Variants in USP35 observed in about 807,000 individuals in gnomAD.
USP35 encodes ubiquitin carboxyl-terminal hydrolase 35.
USP35 carries 69 observed loss-of-function variants against 83.8 expected under a neutral mutation model. That is an observed-to-expected ratio of 0.82 (90% CI 0.68 to 1.01). USP35 has a LOEUF of 1.01. Among genes scored for constraint, USP35 ranks in the 50% least tolerant of loss-of-function variants. The pLI, the probability that USP35 is intolerant of heterozygous loss-of-function variation, is 0.00. For missense variants in USP35, 1,503 were observed against 1,362.5 expected, an observed-to-expected ratio of 1.10 and a Z score of -1.62; for synonymous variants, 714 against 589.5, an observed-to-expected ratio of 1.21 and a Z score of -3.06.
At chr11:78,208,817 C>A (rs965514111) in intron 8 of USP35, 40 bp from the exon 9 acceptor site, 2 of 1,609,178 alleles carry the variant, frequency 1.2e-6, no homozygotes, top group Admixed American at 3.3e-5. Context: ...GGTGAGTGGC[C>A]TCCTGCTCCT....
intron 4 of USP35, 55 bp downstream of exon 4, chr11:78,199,779 A>AG: frequency 1.2e-6 from 2 of 1,612,574 alleles, no homozygotes; most frequent in Non-Finnish European, 1.7e-6. Context: ...GGCTCTTGCC[A>AG]GGGGCGGTGC....
chr11:78,222,855 TTACAGGCG>T, the USP35 span, among the ~76,000 whole-genome samples: 1 of 152,212 alleles, frequency 6.6e-6, no homozygotes. Context: ...AGTGTTGGGG[TTACAGGCG>T]TACAGGCGTG....
chr11:78,213,081 G>C lies in USP35; in HGVS notation c.2890-565G>C, dbSNP rs552952310. On this transcript the variant is annotated intron_variant, in intron 10 of 10. Coordinates refer to ENST00000529308, the MANE Select transcript of USP35 (RefSeq NM_020798.4). ...GCGGGGGAATACAGCAACTGGTGTG[G>C]GGACACCAGACCGGGTGTCACCAAC... 2.6e-5 allele frequency among the ~76,000 whole-genome samples: 4 copies of C among 152,308 alleles called. No individual in the cohort carries two copies. In the South Asian group the frequency reaches 8.3e-4, roughly 32 times the overall value.
chr11:78,214,950 T>C lies in USP35; in HGVS notation c.*1137T>C, dbSNP rs1771775159. Among the ~76,000 whole-genome samples, 1 of 152,144 alleles carries C rather than the reference T, an allele frequency of 6.6e-6. No individual in the cohort carries two copies. On this transcript the variant is annotated 3_prime_UTR_variant, in exon 11 of 11. Coordinates refer to ENST00000529308, the MANE Select transcript of USP35 (RefSeq NM_020798.4). ...AGAGGATGCACCTGGGAGGCAGCTC[T>C]CAAGCCTTTACCTACCTCCTTCCCC...
the USP35 span, among the ~76,000 whole-genome samples, chr11:78,231,646 C>T: frequency 5.3e-5 from 8 of 152,202 alleles, no homozygotes; most frequent in Admixed American, 2.6e-4. Context: ...CTGTGCCCGG[C>T]CTTCCCTTGG....
the USP35 span, chr11:78,226,925 A>G: frequency 4.3e-6 from 7 of 1,613,860 alleles, no homozygotes; most frequent in Non-Finnish European, 5.9e-6. Context: ...TGGGAAGGCT[A>G]TAGAAGCCAT....
At position 78,213,893 on chromosome 11, in the gene USP35, C is replaced by T. The variant is rs1590923944; in HGVS notation, c.*80C>T. The T allele has an allele frequency of 2.0e-6, 3 of 1,482,788 alleles. No individual in the cohort carries two copies. Among genetic ancestry groups the T allele is most frequent in the East Asian group, 2.7e-5 (1 of 37,518 alleles). 91.9% of individuals were successfully genotyped at this position (1,482,788 alleles called of 1,614,324 possible). ...GGGAAGCTGTGGAGGCAGGCCCTAC[C>T]AAGAGGAAGGATGGTACAGCTCATG... On this transcript the variant is annotated 3_prime_UTR_variant, in exon 11 of 11. Transcript: ENST00000529308.
At position 78,210,638 on chromosome 11, in the gene USP35, G is replaced by A; in HGVS notation, c.2783G>A (p.Arg928Lys). 1 of 1,614,158 alleles carries A rather than the reference G, an allele frequency of 6.2e-7. No homozygotes were observed. The highest frequency in any genetic ancestry group is 2.2e-5 in the East Asian group (1 of 44,888). ...AYVLFYRQRPREGPEAELGSS... is the reference protein window; with the variant it reads ...AYVLFYRQRPKEGPEAELGSS... ...GTGCTGTTTTACCGGCAGCGGCCCA[G>A]GGAGGGGCCCGAGGCTGAGTTGGGC... Residue 928 changes from arginine (R) to lysine (K), a missense_variant, in exon 10 of 11, where the codon AGG becomes AAG. Transcript: ENST00000529308.
intron 8 of USP35, 109 bp downstream of exon 8, chr11:78,207,732 A>AT (rs1406060467): frequency 8.8e-6 from 10 of 1,137,096 alleles, no homozygotes; most frequent in South Asian, 1.4e-5. Context: ...GTCATCTCCC[A>AT]TGTCAGTTGC....
At position 78,214,220 on chromosome 11, in the gene USP35, C is replaced by G. The variant is rs1863959175; in HGVS notation, c.*407C>G. The G allele has an allele frequency of 7.0e-6, 1 of 142,358 alleles. No individual in the cohort carries two copies. Among genetic ancestry groups the G allele is most frequent in the East Asian group, 2.1e-4 (1 of 4,696 alleles). The allele number at this position is 142,358 out of a possible 1,614,324, so 8.8% of individuals were successfully genotyped here. A position where few individuals can be genotyped will look rare whatever the true frequency, so the allele number is the denominator to read the frequency against. The stretch of plus-strand genomic sequence containing the variant: ...GTACGGTATAAAGCACAGCAGGATC[C>G]AAGCCTTGCACAAAGGGGTGGGGGG... On this transcript the variant is annotated 3_prime_UTR_variant, in exon 11 of 11. Transcript: ENST00000529308.
Position 78,213,834 on chromosome 11 carries a change from G to C in USP35, c.*21G>C, listed in dbSNP as rs958955125. ...TCTAATGTGAACCTGCTGCCAACCT[G>C]ACCCCTTCCCTCCAGGAGCCAGGTA... On this transcript the variant is annotated 3_prime_UTR_variant, in exon 11 of 11. Coordinates refer to ENST00000529308, the MANE Select transcript of USP35 (RefSeq NM_020798.4). 1 of 1,536,770 alleles carries C rather than the reference G, an allele frequency of 6.5e-7. No homozygotes were observed. The highest frequency in any genetic ancestry group is 8.7e-7 in the Non-Finnish European group (1 of 1,152,494).
At chr11:78,220,578 T>C in the USP35 span, 1 of 643,600 alleles carries the variant, frequency 1.6e-6, no homozygotes, top group Non-Finnish European at 2.5e-6. Context: ...TAAGGACTTT[T>C]CATGTTTTCA....
chr11:78,208,735 T>A, intron 8 of USP35, 122 bp from the exon 9 acceptor site: 1 of 1,052,794 alleles, frequency 9.5e-7, no homozygotes, highest in Non-Finnish European at 1.4e-6. Flanking sequence ...GAGGACCTCA[T>A]GGAGGAGGCC....
In USP35 at chr11:78,209,743, A is replaced by G. The variant is rs774585358; in HGVS notation, c.1888A>G (p.Thr630Ala). ...CACAGCCCGGGAGTTGCCCCCACCAACCAGTGCACAGGGGCCAGGCAGGGT... is the reference window on the plus strand; with the variant it reads ...CACAGCCCGGGAGTTGCCCCCACCAGCCAGTGCACAGGGGCCAGGCAGGGT... The part of the protein sequence containing the change: ...DITARELPPP[T>A]SAQGPGRVGP... The change falls in exon 10 of 11, where the codon ACC becomes GCC. Residue 630 changes from threonine (T) to alanine (A), a missense_variant. Coordinates refer to ENST00000529308, the MANE Select transcript of USP35 (RefSeq NM_020798.4). 8 of 1,613,500 alleles carry G rather than the reference A, an allele frequency of 5.0e-6. No homozygotes were observed. Among genetic ancestry groups the G allele is most frequent in the Non-Finnish European group, 4.2e-6 (5 of 1,179,902 alleles).
the USP35 span, chr11:78,220,559 G>A: frequency 2.4e-6 from 2 of 817,244 alleles, no homozygotes; most frequent in South Asian, 3.9e-5. Context: ...TCTGACACAT[G>A]CACCATGCTA....
At chr11:78,200,311 G>A (rs2137035787) in intron 5 of USP35, 77 bp downstream of exon 5, 1 of 1,521,978 alleles carries the variant, frequency 6.6e-7, no homozygotes, top group Non-Finnish European at 9.1e-7. Flanking sequence ...ACTGCCCCTG[G>A]TAAGGGCCCT....
the USP35 span, chr11:78,221,734 G>A: frequency 1.2e-6 from 2 of 1,613,654 alleles, no homozygotes; most frequent in African/African-American, 1.3e-5. Flanking sequence ...TGCTCTGGGT[G>A]GAGATGGGGC....
At chr11:78,222,094 T>A in the USP35 span, 17 of 1,571,558 alleles carry the variant, frequency 1.1e-5, no homozygotes, top group Admixed American at 1.5e-4. Flanking sequence ...CCCCCACACA[T>A]ACGCACTTAC....
In USP35 at chr11:78,209,343, G is replaced by A. The variant is rs982940767; in HGVS notation, c.1593-105G>A. Reference sequence around the variant, plus strand: ...GGTGTGTGCATGTGTGTTTGTGTGCGTCTCAATGTGTGGCTGTTGGGGAAG... The same window carrying A: ...GGTGTGTGCATGTGTGTTTGTGTGCATCTCAATGTGTGGCTGTTGGGGAAG... On this transcript the variant is annotated intron_variant, in intron 9 of 10. Coordinates refer to ENST00000529308, the MANE Select transcript of USP35 (RefSeq NM_020798.4). 3.1e-5 allele frequency: 38 copies of A among 1,232,248 alleles called. 1 individual carries two copies. The South Asian group carries it at 3.1e-4, about 10-fold the overall frequency. The allele number at this position is 1,232,248 out of a possible 1,614,324, so 76.3% of individuals were successfully genotyped here.
Sources: allele counts gnomAD v4.1 joint callset (sites outside exome capture counted in the v4.1 genomes callset), GRCh38; gene constraint gnomAD v4.1.1; transcripts MANE v1.5; gene names NCBI Gene and HGNC (gene_info 2026-07-23, HGNC 2026-07-21).